Variants in KIAA1217 observed in about 807,000 individuals in gnomAD.
KIAA1217 encodes the protein sickle tail protein homolog.
A neutral mutation model predicts 163.9 loss-of-function variants in KIAA1217; 88 were observed. The ratio of observed to expected loss-of-function variants is 0.54; its 90% confidence interval spans 0.45 to 0.64. The LOEUF (loss-of-function observed/expected upper bound fraction) is 0.64, where lower values mean the gene tolerates loss of function less well. Among genes scored for constraint, KIAA1217 ranks in the 30% least tolerant of loss-of-function variants. The pLI is 0.00. For synonymous variants in KIAA1217, 903 were observed against 923.1 expected (o/e 0.98, Z 0.39); for missense variants, 2,372 against 2,475.0 (o/e 0.96, Z 0.88).
chr10:24,218,173 GT>G (rs987654391), intron 1 of KIAA1217, among the ~76,000 whole-genome samples: 1 of 151,672 alleles, frequency 6.6e-6, no homozygotes, highest in Non-Finnish European at 1.5e-5. Context: ...TAATCTATTT[GT>G]TTTTTTTAAA....
chr10:24,489,760 G>T (rs1393649442), intron 6 of KIAA1217, among the ~76,000 whole-genome samples: 4 of 151,176 alleles, frequency 2.6e-5, no homozygotes, highest in Non-Finnish European at 5.9e-5. Flanking sequence ...GCTACTTGGG[G>T]GGCTGAGGTG....
chr10:23,759,322 G>A (rs1000378390), intron 1 of KIAA1217, among the ~76,000 whole-genome samples: 1 of 152,000 alleles, frequency 6.6e-6, no homozygotes, highest in Non-Finnish European at 1.5e-5. Flanking sequence ...AATAATTAGG[G>A]TTTTTTACAT....
intron 1 of KIAA1217, among the ~76,000 whole-genome samples, chr10:23,966,426 A>G (rs1403382673): frequency 3.9e-5 from 6 of 152,178 alleles, no homozygotes; most frequent in African/African-American, 1.4e-4. Context: ...CCGGGTCCAC[A>G]TACCAACCCA....
chr10:24,367,632 G>A (rs923727301), intron 2 of KIAA1217, among the ~76,000 whole-genome samples: 3 of 152,218 alleles, frequency 2.0e-5, no homozygotes, highest in African/African-American at 7.2e-5. Flanking sequence ...CCAAAGCTAT[G>A]TCATTCTGCT....
intron 2 of KIAA1217, among the ~76,000 whole-genome samples, chr10:24,271,196 T>C (rs567803835): frequency 6.6e-6 from 1 of 152,348 alleles, no homozygotes; most frequent in South Asian, 2.1e-4. Flanking sequence ...TTGGGACTTA[T>C]TTTCTATTTT....
At chr10:24,333,627 G>T (rs1263918616) in intron 2 of KIAA1217, among the ~76,000 whole-genome samples, 1 of 152,190 alleles carries the variant, frequency 6.6e-6, no homozygotes, top group East Asian at 1.9e-4. Flanking sequence ...GTTAAGAGAA[G>T]ATCTTGTAGG....
intron 3 of KIAA1217, among the ~76,000 whole-genome samples, chr10:24,417,459 G>A (rs577685406): frequency 2.4e-4 from 36 of 152,292 alleles, no homozygotes; most frequent in Non-Finnish European, 5.0e-4. Flanking sequence ...ATAAATGCAC[G>A]CCTAAGTGTG....
At chr10:24,067,203 GA>G (rs2060986181) in intron 2 of KIAA1217, among the ~76,000 whole-genome samples, 1 of 152,116 alleles carries the variant, frequency 6.6e-6, no homozygotes, top group Non-Finnish European at 1.5e-5. Flanking sequence ...CGTTCCTTTG[GA>G]GGAGGAGAGG....
At chr10:23,727,066 C>A (rs996873293) in intron 1 of KIAA1217, among the ~76,000 whole-genome samples, 6 of 139,392 alleles carry the variant, frequency 4.3e-5, no homozygotes, top group Non-Finnish European at 7.5e-5. Flanking sequence ...TGGCTCACTG[C>A]AAGCTCTGCC....
At chr10:23,906,130 C>A (rs1186687961) in intron 1 of KIAA1217, among the ~76,000 whole-genome samples, 1 of 152,048 alleles carries the variant, frequency 6.6e-6, no homozygotes, top group African/African-American at 2.4e-5. Context: ...TCCATGAGGG[C>A]AGAGCCTTAT....
chr10:24,084,250 T>C (rs1425086621), intron 2 of KIAA1217, among the ~76,000 whole-genome samples: 1 of 152,240 alleles, frequency 6.6e-6, no homozygotes, highest in Non-Finnish European at 1.5e-5. Context: ...CTATATATTT[T>C]ACTTACTTTC....
intron 2 of KIAA1217, among the ~76,000 whole-genome samples, chr10:24,099,696 C>A (rs930082102): frequency 6.7e-6 from 1 of 149,790 alleles, no homozygotes; most frequent in African/African-American, 2.5e-5. Flanking sequence ...CCCATTAACT[C>A]GTCATTTACA....
At chr10:23,832,407 T>A (rs991069461) in intron 1 of KIAA1217, among the ~76,000 whole-genome samples, 3 of 152,182 alleles carry the variant, frequency 2.0e-5, no homozygotes, top group Non-Finnish European at 2.9e-5. Context: ...ACCAGGAAGC[T>A]TTCTGAGCCC....
At chr10:23,853,450 A>T (rs1192745415) in intron 1 of KIAA1217, among the ~76,000 whole-genome samples, 2 of 152,180 alleles carry the variant, frequency 1.3e-5, no homozygotes, top group Non-Finnish European at 2.9e-5. Context: ...ATCAATGTTC[A>T]TCAAGGATAT....
intron 2 of KIAA1217, among the ~76,000 whole-genome samples, chr10:24,075,672 C>G (rs999861925): frequency 1.3e-5 from 2 of 150,558 alleles, no homozygotes; most frequent in African/African-American, 4.9e-5. Context: ...GGCGGGATCT[C>G]AGCTCACTGC....
intron 1 of KIAA1217, among the ~76,000 whole-genome samples, chr10:23,974,211 A>G (rs1184752949): frequency 6.6e-6 from 1 of 152,176 alleles, no homozygotes; most frequent in African/African-American, 2.4e-5. Flanking sequence ...TTTGAAGTCT[A>G]TGCCCAACAA....
At position 24,433,084 on chromosome 10, in the gene KIAA1217, G is replaced by A. The variant is rs574193479; in HGVS notation, c.643G>A (p.Val215Ile). 7.4e-6 allele frequency: 12 copies of A among 1,614,092 alleles called. No homozygotes were observed. The highest frequency in any genetic ancestry group is 1.6e-4 in the Middle Eastern group (1 of 6,062). Residue 215 changes from valine to isoleucine, a missense_variant, in exon 4 of 21, where the codon GTA becomes ATA. Physicochemically the swap from Val to Ile is conservative, Grantham distance 29. Transcript: ENST00000376454. ...TGCAGACACAATCCGTGCTCTCTTC[G>A]TAAGTGCCTTTCCACAGCAGCTCAC... ...TSADTIRALF[V>I]SAFPQQLTMK...
chr10:23,905,520 G>A (rs1842123892), intron 1 of KIAA1217, among the ~76,000 whole-genome samples: 1 of 152,072 alleles, frequency 6.6e-6, no homozygotes, highest in Non-Finnish European at 1.5e-5. Context: ...TAAAGGAGGT[G>A]GGGAGGGAGG....
chr10:24,216,502 T>C (rs1256333476), intron 1 of KIAA1217, among the ~76,000 whole-genome samples: 2 of 152,076 alleles, frequency 1.3e-5, no homozygotes, highest in Admixed American at 6.6e-5. Flanking sequence ...TTCTTAATAA[T>C]GTCAAAACTA....
Sources: allele counts gnomAD v4.1 joint callset (sites outside exome capture counted in the v4.1 genomes callset), GRCh38; gene constraint gnomAD v4.1.1; transcripts MANE v1.5; gene names NCBI Gene and HGNC (gene_info 2026-07-23, HGNC 2026-07-21).